Variants in ZMIZ1 observed in about 807,000 individuals in gnomAD.
ZMIZ1 encodes the protein zinc finger MIZ domain-containing protein 1.
Under a neutral mutation model 113.9 loss-of-function variants are expected in ZMIZ1, and 17 were observed. The observed-to-expected ratio is 0.15, with a 90% CI of 0.10 to 0.22. The LOEUF (loss-of-function observed/expected upper bound fraction) is 0.22. Ranked by LOEUF, ZMIZ1 falls within the 10% of genes least tolerant of loss-of-function variation. The pLI is 1.00. For synonymous variants in ZMIZ1, 607 were observed against 603.1 expected (o/e 1.01, Z -0.09); for missense variants, 1,059 against 1,477.8 (o/e 0.72, Z 4.65).
At position 79,300,822 on chromosome 10, in the gene ZMIZ1, C is replaced by A; in HGVS notation, c.1899C>A (p.Asn633Lys). ...NWPASVQVSVNATPLTIERGD... is the reference protein window; with the variant it reads ...NWPASVQVSVKATPLTIERGD... ...CCGCCTCGGTGCAGGTCAGCGTGAACGCCACGCCCCTCACCATTGAGCGCG... is the reference window on the plus strand; with the variant it reads ...CCGCCTCGGTGCAGGTCAGCGTGAAAGCCACGCCCCTCACCATTGAGCGCG... The change falls in exon 17 of 25, where the codon AAC becomes AAA. Residue 633 changes from asparagine (N) to lysine (K), a missense_variant. By Grantham distance (94) the Asn-to-Lys change is moderately conservative (BLOSUM62 0). Around this residue, in one of 6 missense-constraint regions of ZMIZ1, gnomAD observed 217 missense variants for 426.9 expected, o/e 0.51. Coordinates refer to ENST00000334512, the MANE Select transcript of ZMIZ1 (RefSeq NM_020338.4). The A allele has an allele frequency of 6.2e-7, 1 of 1,613,876 alleles. No homozygotes were observed. Among genetic ancestry groups the A allele is most frequent in the Non-Finnish European group, 8.5e-7 (1 of 1,180,000 alleles).
intron 7 of ZMIZ1, among the ~76,000 whole-genome samples, chr10:79,256,734 T>G (rs1850929029): frequency 6.6e-6 from 1 of 152,230 alleles, no homozygotes; most frequent in Non-Finnish European, 1.5e-5. Flanking sequence ...AGGGTCAGGC[T>G]GCTCTGAAGT....
intron 1 of ZMIZ1, among the ~76,000 whole-genome samples, chr10:79,100,155 A>C (rs575265337): frequency 1.1e-3 from 170 of 152,136 alleles, no homozygotes; most frequent in African/African-American, 3.5e-3. Flanking sequence ...CTGTAGCATG[A>C]GGGGCTGGTG....
chr10:79,274,652 G>A (rs1164849521), intron 7 of ZMIZ1, among the ~76,000 whole-genome samples: 5 of 152,230 alleles, frequency 3.3e-5, no homozygotes, highest in African/African-American at 7.2e-5. Context: ...CACCGGCCTC[G>A]GGGGTGAGGG....
intron 7 of ZMIZ1, among the ~76,000 whole-genome samples, chr10:79,245,681 G>T (rs1194680154): frequency 1.3e-5 from 2 of 152,240 alleles, no homozygotes; most frequent in African/African-American, 2.4e-5. Flanking sequence ...TTCTGCGGAA[G>T]TCCTGCCCGG....
intron 1 of ZMIZ1, among the ~76,000 whole-genome samples, chr10:79,090,245 G>A (rs996557954): frequency 3.3e-5 from 5 of 152,248 alleles, no homozygotes; most frequent in African/African-American, 1.2e-4. Context: ...TTAGTGTTTT[G>A]TGGTGCCCCT....
chr10:79,302,149 C>G lies in ZMIZ1; in HGVS notation c.2062C>G (p.Arg688Gly). 1 of 1,614,044 alleles carries G rather than the reference C, an allele frequency of 6.2e-7. No individual in the cohort carries two copies. The highest frequency in any genetic ancestry group is 8.5e-7 in the Non-Finnish European group (1 of 1,180,018). Residue 688 changes from arginine to glycine, a missense_variant, in exon 18 of 25, where the codon CGC (arginine) becomes GGC (glycine). Coordinates refer to ENST00000334512, the MANE Select transcript of ZMIZ1 (RefSeq NM_020338.4). ...GCAGCTGGTACACCGGCCCTCCGTC[C>G]GCTCTGTGCTGCAAGGACTCCTCAA... ...VLQLVHRPSV[R>G]SVLQGLLKKR...
intron 4 of ZMIZ1, among the ~76,000 whole-genome samples, chr10:79,170,254 G>C (rs1846544723): frequency 6.6e-6 from 1 of 152,186 alleles, no homozygotes; most frequent in Admixed American, 6.5e-5. Flanking sequence ...CCTCTCTGTG[G>C]CTCAGTTTTC....
intron 7 of ZMIZ1, among the ~76,000 whole-genome samples, chr10:79,223,640 T>C (rs1356922349): frequency 6.6e-6 from 1 of 152,216 alleles, no homozygotes; most frequent in Non-Finnish European, 1.5e-5. Context: ...GGCGCTCTTA[T>C]CAGCATGCCC....
chr10:79,166,003 G>GTGTGTGTGTGTGTGTGT (rs1309575802), intron 4 of ZMIZ1, among the ~76,000 whole-genome samples: 106 of 44,496 alleles, frequency 2.4e-3, no homozygotes, highest in African/African-American at 6.1e-3. Context: ...TGTGTGTGTG[G>GTGTGTGTGTGTGTGTGT]GCTCTCCCTG....
rs1435565600 is a variant in ZMIZ1, at chr10:79,290,994, C to T, written c.576C>T (p.Pro192=). The T allele has an allele frequency of 3.7e-6, 6 of 1,614,068 alleles. No individual in the cohort carries two copies. The highest frequency in any genetic ancestry group is 1.6e-4 in the Middle Eastern group (1 of 6,082). Residue 192 remains proline, a synonymous_variant, in exon 10 of 25, where the codon CCC becomes CCT. Coordinates refer to ENST00000334512, the MANE Select transcript of ZMIZ1 (RefSeq NM_020338.4). ...LGNPMANANN[P]MNPGGNPMAS... is the part of the protein sequence containing the mutation. ...ACCCTATGGCCAATGCCAACAACCC[C>T]ATGAATCCAGGCGGCAACCCCATGG...
rs558131141 is a variant in ZMIZ1, at chr10:79,306,876, C to T, written c.2669-529C>T. ...AGGTTAGGCCACCTAGCCGAACTCCCACAGTGTGCCAAGGGCCAAGCCTCC... is the reference window on the plus strand; with the variant it reads ...AGGTTAGGCCACCTAGCCGAACTCCTACAGTGTGCCAAGGGCCAAGCCTCC... On this transcript the variant is annotated intron_variant, in intron 22 of 24. Coordinates refer to ENST00000334512, the MANE Select transcript of ZMIZ1 (RefSeq NM_020338.4). Among the ~76,000 whole-genome samples the T allele has an allele frequency of 1.4e-3, 207 of 152,332 alleles. 1 individual carries two copies. Among genetic ancestry groups the T allele is most frequent in the African/African-American group, 4.6e-3 (193 of 41,578 alleles).
At chr10:79,200,605 C>T (rs548760186) in intron 4 of ZMIZ1, among the ~76,000 whole-genome samples, 168 of 152,338 alleles carry the variant, frequency 1.1e-3, no homozygotes, top group Non-Finnish European at 1.6e-3. Flanking sequence ...AACCCTGGCT[C>T]CTGGTGTGGG....
intron 4 of ZMIZ1, among the ~76,000 whole-genome samples, chr10:79,181,039 C>T (rs1333751300): frequency 6.6e-6 from 1 of 152,206 alleles, no homozygotes; most frequent in Non-Finnish European, 1.5e-5. Context: ...ACGAGGGAGT[C>T]AGGACAGTGT....
At chr10:79,116,043 C>T (rs1175618950) in intron 1 of ZMIZ1, among the ~76,000 whole-genome samples, 2 of 152,126 alleles carry the variant, frequency 1.3e-5, no homozygotes, top group Non-Finnish European at 2.9e-5. Flanking sequence ...GAGTGGTGCA[C>T]ATTTACTGGG....
At chr10:79,167,675 G>C (rs11002857) in intron 4 of ZMIZ1, among the ~76,000 whole-genome samples, 29,487 of 152,124 alleles carry the variant, frequency 0.19, 3,206 homozygotes, top group Middle Eastern at 0.24. Context: ...ACTTCATGCC[G>C]AAACAGCCCC....
chr10:79,292,012 C>G, intron 10 of ZMIZ1, 146 bp from the exon 11 acceptor site: 1 of 848,394 alleles, frequency 1.2e-6, no homozygotes, highest in South Asian at 1.6e-5. Flanking sequence ...CCAAGTGGCA[C>G]AAATGAATGG....
At chr10:79,259,176 C>T (rs950775818) in intron 7 of ZMIZ1, among the ~76,000 whole-genome samples, 30 of 152,186 alleles carry the variant, frequency 2.0e-4, no homozygotes, top group African/African-American at 7.2e-4. Context: ...CAAGGCCCTG[C>T]CCGGCTCCTG....
intron 7 of ZMIZ1, among the ~76,000 whole-genome samples, chr10:79,237,286 C>T (rs946464000): frequency 1.3e-5 from 2 of 152,208 alleles, no homozygotes; most frequent in Admixed American, 1.3e-4. Flanking sequence ...CAAGGACTTG[C>T]ATTTTACACC....
chr10:79,243,092 C>T (rs547960892), intron 7 of ZMIZ1, among the ~76,000 whole-genome samples: 29 of 151,312 alleles, frequency 1.9e-4, no homozygotes, highest in Non-Finnish European at 3.8e-4. Flanking sequence ...TTTCATCTTC[C>T]TCCCGCGCTC....
Sources: allele counts gnomAD v4.1 joint callset (sites outside exome capture counted in the v4.1 genomes callset), GRCh38; gene constraint gnomAD v4.1.1; regional missense constraint gnomAD v4.1.1; transcripts MANE v1.5; gene names NCBI Gene and HGNC (gene_info 2026-07-23, HGNC 2026-07-21).